The following DLG2 variants were observed in gnomAD, a reference collection of about 807,000 sequenced individuals.
The protein encoded by DLG2 is discs large MAGUK scaffold protein 2.
Under a neutral mutation model 132.5 loss-of-function variants are expected in DLG2, and 45 were observed. The observed-to-expected ratio is 0.34, with a 90% CI of 0.27 to 0.44. The LOEUF is 0.44. Ranked by LOEUF, DLG2 falls within the 20% of genes least tolerant of loss-of-function variation. DLG2 has a pLI of 1.00. For synonymous variants in DLG2, 424 were observed against 419.6 expected (o/e 1.01, Z -0.13); for missense variants, 1,045 against 1,196.9 (o/e 0.87, Z 1.87).
At chr11:84,672,393 C>T (rs754026642) in intron 6 of DLG2, among the ~76,000 whole-genome samples, 1 of 152,032 alleles carries the variant, frequency 6.6e-6, no homozygotes, top group Non-Finnish European at 1.5e-5. Context: ...GGTACAGAGA[C>T]AGAGAGAGCG....
At chr11:85,093,309 GTTT>G (rs67241693) in intron 6 of DLG2, among the ~76,000 whole-genome samples, 4 of 150,396 alleles carry the variant, frequency 2.7e-5, no homozygotes, top group African/African-American at 9.8e-5. Flanking sequence ...GGGAGTTTTT[GTTT>G]TTTTTTTGTA....
rs527252968 is a variant in DLG2, at chr11:83,709,794, T to C, written c.1826-76469A>G. Among the ~76,000 whole-genome samples, 4 of 152,294 alleles carry C rather than the reference T, an allele frequency of 2.6e-5. No homozygotes were observed. The South Asian group carries it at 8.3e-4, about 32-fold the overall frequency. On this transcript the variant is annotated intron_variant, in intron 18 of 27. Transcript: ENST00000376104. ...CCCCAAGTCATTTGGAAAGTAACAA[T>C]GGCACTTGACCTTCCTGGTTACTTA... is the stretch of plus-strand genomic sequence containing the variant.
chr11:85,411,648 T>G (rs2089320648), intron 3 of DLG2, among the ~76,000 whole-genome samples: 1 of 151,844 alleles, frequency 6.6e-6, no homozygotes. Context: ...GCATACGAAA[T>G]GGATAATTAT....
At chr11:83,738,909 T>A (rs1297284395) in intron 18 of DLG2, among the ~76,000 whole-genome samples, 1 of 152,204 alleles carries the variant, frequency 6.6e-6, no homozygotes, top group Non-Finnish European at 1.5e-5. Context: ...CTGCTCAACA[T>A]CTTTTAAATG....
intron 17 of DLG2, among the ~76,000 whole-genome samples, chr11:83,803,004 T>C (rs1287401710): frequency 2.0e-5 from 3 of 152,220 alleles, no homozygotes; most frequent in South Asian, 4.1e-4. Context: ...TTAAAAGTCA[T>C]ACAAAAAAGT....
At chr11:84,006,454 A>T (rs2094575678) in intron 11 of DLG2, among the ~76,000 whole-genome samples, 1 of 150,464 alleles carries the variant, frequency 6.6e-6, no homozygotes, top group Non-Finnish European at 1.5e-5. Flanking sequence ...ATTGTTCCCA[A>T]CACACAGAAT....
At chr11:85,535,616 C>T (rs1242293405) in intron 3 of DLG2, among the ~76,000 whole-genome samples, 1 of 152,076 alleles carries the variant, frequency 6.6e-6, no homozygotes, top group South Asian at 2.1e-4. Context: ...TATAAACCAG[C>T]AATTCTACTC....
chr11:85,396,086 T>C (rs1472379154), intron 3 of DLG2, among the ~76,000 whole-genome samples: 1 of 152,042 alleles, frequency 6.6e-6, no homozygotes, highest in Non-Finnish European at 1.5e-5. Flanking sequence ...GAGGCAGCAA[T>C]ATTTGCTGTT....
intron 3 of DLG2, among the ~76,000 whole-genome samples, chr11:85,462,892 A>C (rs991949551): frequency 3.9e-5 from 6 of 152,200 alleles, no homozygotes; most frequent in Non-Finnish European, 7.3e-5. Context: ...TGAGGTCAGA[A>C]AGGTGGGTCA....
At chr11:84,896,127 T>C (rs2090154624) in intron 6 of DLG2, among the ~76,000 whole-genome samples, 2 of 152,126 alleles carry the variant, frequency 1.3e-5, no homozygotes, top group South Asian at 4.1e-4. Flanking sequence ...TATTGACTCT[T>C]CAAATTGTTT....
At chr11:84,911,063 A>G (rs756844977) in intron 6 of DLG2, among the ~76,000 whole-genome samples, 13 of 152,196 alleles carry the variant, frequency 8.5e-5, no homozygotes, top group South Asian at 2.1e-4. Context: ...AAAAGCAATT[A>G]GAATGAAAAA....
At chr11:84,546,142 G>A (rs1231813352) in intron 6 of DLG2, among the ~76,000 whole-genome samples, 1 of 152,132 alleles carries the variant, frequency 6.6e-6, no homozygotes, top group Admixed American at 6.5e-5. Flanking sequence ...TTGAAATGTA[G>A]TCCCTACTGC....
intron 16 of DLG2, among the ~76,000 whole-genome samples, chr11:83,865,398 C>T (rs1291547660): frequency 1.3e-5 from 2 of 151,604 alleles, no homozygotes; most frequent in Non-Finnish European, 2.9e-5. Context: ...CCCTGAGATG[C>T]CTTTGTAAAT....
intron 3 of DLG2, among the ~76,000 whole-genome samples, chr11:85,524,367 T>C (rs1598261657): frequency 6.6e-6 from 1 of 151,982 alleles, no homozygotes; most frequent in Admixed American, 6.6e-5. Flanking sequence ...GCCATAAACA[T>C]ATACATCTAA....
intron 19 of DLG2, among the ~76,000 whole-genome samples, chr11:83,552,273 G>A (rs1470467429): frequency 2.0e-5 from 3 of 152,134 alleles, no homozygotes; most frequent in African/African-American, 4.8e-5. Flanking sequence ...TTCAAATGGG[G>A]TGTTTTTTAA....
rs142620056 is a variant in DLG2 at position 85,072,208 on chromosome 11, G to A, written c.357+39453C>T. ...AGGCCATCTTATTTACTTCCCTTGT[G>A]CCTAAGGCAGTCCTTGGCATATAGC... On this transcript the variant is annotated intron_variant, in intron 6 of 27. Transcript: ENST00000376104. Among the ~76,000 whole-genome samples the A allele has an allele frequency of 3.5e-3, 529 of 151,856 alleles. 4 individuals carry two copies. The highest frequency in any genetic ancestry group is 5.6e-3 in the Non-Finnish European group (378 of 67,846).
chr11:84,033,958 G>A (rs890661293), intron 11 of DLG2, among the ~76,000 whole-genome samples: 2 of 152,136 alleles, frequency 1.3e-5, no homozygotes, highest in Admixed American at 6.6e-5. Context: ...GCACATGCCT[G>A]TAATCCCAGC....
chr11:85,602,905 T>C (rs1449517465), intron 2 of DLG2, among the ~76,000 whole-genome samples: 1 of 152,204 alleles, frequency 6.6e-6, no homozygotes, highest in Non-Finnish European at 1.5e-5. Flanking sequence ...TCTCTGCTTA[T>C]ATATCATCTT....
chr11:84,933,542 A>G (rs771304584), intron 6 of DLG2, among the ~76,000 whole-genome samples: 2 of 152,102 alleles, frequency 1.3e-5, no homozygotes, highest in African/African-American at 2.4e-5. Context: ...TTTTTTGAGT[A>G]GTGGTTTGCA....
Sources: allele counts gnomAD v4.1 joint callset (sites outside exome capture counted in the v4.1 genomes callset), GRCh38; gene constraint gnomAD v4.1.1; transcripts MANE v1.5; gene names NCBI Gene and HGNC (gene_info 2026-07-23, HGNC 2026-07-21).